Variants in TGFBR3 observed in about 807,000 individuals in gnomAD.
The protein encoded by TGFBR3 is transforming growth factor beta receptor 3, also known as transforming growth factor beta receptor type 3.
A neutral mutation model predicts 87.9 loss-of-function variants in TGFBR3; 46 were observed. That is an observed-to-expected ratio of 0.52 (90% CI 0.41 to 0.67). The LOEUF (loss-of-function observed/expected upper bound fraction) is 0.67. Among genes scored for constraint, TGFBR3 ranks in the 30% least tolerant of loss-of-function variants. The pLI is 0.00. For synonymous variants in TGFBR3, 381 were observed against 391.6 expected, an observed-to-expected ratio of 0.97 and a Z score of 0.32; for missense variants, 866 against 1,041.9, an observed-to-expected ratio of 0.83 and a Z score of 2.32.
chr1:91,785,262 T>C (rs1242298069), intron 3 of TGFBR3, among the ~76,000 whole-genome samples: 2 of 152,234 alleles, frequency 1.3e-5, no homozygotes, highest in Non-Finnish European at 2.9e-5. Context: ...TTCATATGAA[T>C]GTGCAGAACA....
intron 2 of TGFBR3, among the ~76,000 whole-genome samples, chr1:91,799,609 C>G (rs1174237267): frequency 1.3e-5 from 2 of 152,196 alleles, no homozygotes; most frequent in Non-Finnish European, 2.9e-5. Context: ...GTTGCAGAGC[C>G]TCCTGCCATG....
At chr1:91,759,383 CAAAAAAAA>C (rs35600646) in intron 3 of TGFBR3, among the ~76,000 whole-genome samples, 3 of 84,734 alleles carry the variant, frequency 3.5e-5, no homozygotes, top group African/African-American at 1.0e-4. Flanking sequence ...CAGCCCCTGT[CAAAAAAAA>C]AAAAAAAAAA....
At position 91,764,237 on chromosome 1, in the gene TGFBR3, T is replaced by C. The variant is rs543700869; in HGVS notation, c.247-5487A>G. The stretch of plus-strand genomic sequence containing the variant: ...CACTGTCAGTCTATTTCAAAACTAA[T>C]CTCCCTTCCCCCCAACAAGGACATG... On this transcript the variant is annotated intron_variant, in intron 3 of 16. Coordinates refer to ENST00000212355, the MANE Select transcript of TGFBR3 (RefSeq NM_003243.5). Among the ~76,000 whole-genome samples the C allele has an allele frequency of 4.5e-5, 6 of 132,132 alleles. No homozygotes were observed. In the East Asian group the frequency reaches 9.7e-4, roughly 21 times the overall value. 86.7% of individuals were successfully genotyped at this position (132,132 alleles called of 152,430 possible). A position where few individuals can be genotyped will look rare whatever the true frequency, so the allele number is the denominator to read the frequency against.
intron 10 of TGFBR3, among the ~76,000 whole-genome samples, chr1:91,717,632 T>G (rs1443200416): frequency 6.6e-6 from 1 of 150,584 alleles, no homozygotes; most frequent in Non-Finnish European, 1.5e-5. Context: ...TACAAACAAT[T>G]ATAATTGGTG....
rs17882662 is a variant in TGFBR3 at position 91,709,197 on chromosome 1, T to C, written c.2167-414A>G. ...CATAAAGACGCTCCTCAACTTATGA[T>C]GAGGTTACATCTTGACAAACCCACT... On this transcript the variant is annotated intron_variant, in intron 13 of 16. Transcript: ENST00000212355. Among the ~76,000 whole-genome samples, 423 of 152,326 alleles carry C rather than the reference T, an allele frequency of 2.8e-3. 1 individual carries two copies. The highest frequency in any genetic ancestry group is 3.9e-3 in the African/African-American group (162 of 41,580).
intron 5 of TGFBR3, among the ~76,000 whole-genome samples, chr1:91,730,842 A>T (rs1672741013): frequency 6.6e-6 from 1 of 152,236 alleles, no homozygotes; most frequent in African/African-American, 2.4e-5. Context: ...TCAAGTTTAT[A>T]TGGCACTTTA....
rs1451514146 is a variant in TGFBR3, at chr1:91,879,191, C to A, written c.-114+6687G>T. Among the ~76,000 whole-genome samples, 5 of 152,098 alleles carry A rather than the reference C, an allele frequency of 3.3e-5. No homozygotes were observed. The South Asian group carries it at 1.0e-3, about 32-fold the overall frequency. On this transcript the variant is annotated intron_variant, in intron 1 of 16. Coordinates refer to ENST00000212355, the MANE Select transcript of TGFBR3 (RefSeq NM_003243.5). Reference sequence around the variant, plus strand: ...GGCTGAGGCACAATAATCGCTTGAACCCAGGAGGCAGAGGTTGCAGTGAGC... The same window carrying A: ...GGCTGAGGCACAATAATCGCTTGAAACCAGGAGGCAGAGGTTGCAGTGAGC...
At position 91,720,102 on chromosome 1, in the gene TGFBR3, G is replaced by A. The variant is rs1454204585; in HGVS notation, c.1204C>T (p.Pro402Ser). The A allele has an allele frequency of 1.8e-5, 29 of 1,614,136 alleles. No homozygotes were observed. The highest frequency in any genetic ancestry group is 2.5e-5 in the Non-Finnish European group (29 of 1,180,020). The change falls in exon 9 of 17, where the codon CCG (proline) becomes TCG (serine). Residue 402 changes from proline (P) to serine (S), a missense_variant. Transcript: ENST00000212355. ...RGGEGQNGGL[P>S]FPFPDISRRV... is the part of the protein sequence containing the mutation. ...CTGGAAATATCTGGGAAAGGAAACG[G>A]AAGGCCTCCATTTTGGCCTTCCCCT...
At chr1:91,748,430 G>A (rs1028385063) in intron 4 of TGFBR3, among the ~76,000 whole-genome samples, 35 of 152,186 alleles carry the variant, frequency 2.3e-4, no homozygotes, top group African/African-American at 8.4e-4. Flanking sequence ...AAAGCTCTTG[G>A]GAAAGGGGTC....
intron 2 of TGFBR3, among the ~76,000 whole-genome samples, chr1:91,834,437 C>T (rs1676983483): frequency 6.6e-6 from 1 of 152,200 alleles, no homozygotes; most frequent in South Asian, 2.1e-4. Flanking sequence ...ATGGGCATGA[C>T]ATATGAGTGT....
chr1:91,821,136 C>T (rs998887226), intron 2 of TGFBR3, among the ~76,000 whole-genome samples: 1 of 152,052 alleles, frequency 6.6e-6, no homozygotes, highest in Non-Finnish European at 1.5e-5. Flanking sequence ...TCGAGAGCAA[C>T]CTGGCCAACA....
rs368787049 is a variant in TGFBR3 at position 91,818,277 on chromosome 1, CCTTTTTTTTTTTTTTTTTTTTTTTTTTTT to C, written c.62-20835_62-20807del. ...CTGCACCATTTCCCCTTAGCCCCAG[CCTTTTTTTTTTTTTTTTTTTTTTTTTTTT>C]TTTTTTTTTTTTTTTAGGAAAGTTT... On this transcript the variant is annotated intron_variant, in intron 2 of 16. Transcript: ENST00000212355. Among the ~76,000 whole-genome samples, 214 of 123,142 alleles carry C rather than the reference CCTTTTTTTTTTTTTTTTTTTTTTTTTTTT, an allele frequency of 1.7e-3. 4 individuals are homozygous for C. Among genetic ancestry groups the C allele is most frequent in the African/African-American group, 3.8e-3 (131 of 34,068 alleles). The allele number at this position is 123,142 out of a possible 152,430, so 80.8% of individuals were successfully genotyped here. A position where few individuals can be genotyped will look rare whatever the true frequency, so the allele number is the denominator to read the frequency against.
At position 91,724,432 on chromosome 1, in the gene TGFBR3, GTC is replaced by G. The variant is rs1477880239; in HGVS notation, c.886-2290_886-2289del. On this transcript the variant is annotated intron_variant, in intron 7 of 16. Coordinates refer to ENST00000212355, the MANE Select transcript of TGFBR3 (RefSeq NM_003243.5). ...ACACTGCTTGCCCTCATCTGCCCTAGTCTCTTTCATGTTGTTGGACAGCTGAG... is the reference window on the plus strand; with the variant it reads ...ACACTGCTTGCCCTCATCTGCCCTAGTCTTTCATGTTGTTGGACAGCTGAG... Among the ~76,000 whole-genome samples the G allele has an allele frequency of 1.5e-4, 23 of 152,284 alleles. No individual in the cohort carries two copies. In the East Asian group the frequency reaches 3.7e-3, roughly 24 times the overall value.
At chr1:91,757,419 A>AT (rs1373148533) in intron 4 of TGFBR3, among the ~76,000 whole-genome samples, 1 of 152,166 alleles carries the variant, frequency 6.6e-6, no homozygotes, top group African/African-American at 2.4e-5. Context: ...TATAGTCACT[A>AT]TTTTTTATGT....
At chr1:91,853,291 A>T (rs1224032959) in intron 2 of TGFBR3, among the ~76,000 whole-genome samples, 1 of 149,982 alleles carries the variant, frequency 6.7e-6, no homozygotes, top group Non-Finnish European at 1.5e-5. Flanking sequence ...AAGAAGAAGA[A>T]GAAAAAAAGG....
Position 91,716,523 on chromosome 1 carries a change from T to C in TGFBR3, c.1707+45A>G, listed in dbSNP as rs1404022243. On this transcript the variant is annotated intron_variant, in intron 11 of 16. Coordinates refer to ENST00000212355, the MANE Select transcript of TGFBR3 (RefSeq NM_003243.5). Reference sequence around the variant, plus strand: ...TAGTCCCTAACTAAAGCCAACAAAATAGACAGCATTTTCCACAAACCCCCT... The same window carrying C: ...TAGTCCCTAACTAAAGCCAACAAAACAGACAGCATTTTCCACAAACCCCCT... The C allele has an allele frequency of 5.0e-6, 8 of 1,613,990 alleles. No homozygotes were observed. The Admixed American group carries it at 1.3e-4, about 27-fold the overall frequency.
intron 2 of TGFBR3, among the ~76,000 whole-genome samples, chr1:91,851,509 C>G (rs1267885271): frequency 6.6e-6 from 1 of 151,948 alleles, no homozygotes; most frequent in Non-Finnish European, 1.5e-5. Flanking sequence ...ACTCCCTGCT[C>G]CTACATCACT....
intron 14 of TGFBR3, among the ~76,000 whole-genome samples, chr1:91,704,339 AAAAAG>A (rs1231138372): frequency 2.9e-4 from 44 of 151,492 alleles, no homozygotes; most frequent in Non-Finnish European, 3.8e-4. Flanking sequence ...AAAAAAAAAA[AAAAAG>A]AAAGAAAGAA....
chr1:91,865,095 C>T (rs1318281347), intron 1 of TGFBR3, among the ~76,000 whole-genome samples: 3 of 150,402 alleles, frequency 2.0e-5, no homozygotes, highest in South Asian at 4.2e-4. Context: ...CCCAGCTACT[C>T]GGGAGGCTGA....
Sources: allele counts gnomAD v4.1 joint callset (sites outside exome capture counted in the v4.1 genomes callset), GRCh38; gene constraint gnomAD v4.1.1; transcripts MANE v1.5; gene names NCBI Gene and HGNC (gene_info 2026-07-23, HGNC 2026-07-21).